CEP131: variants seen among roughly 807,000 people sequenced by gnomAD.
The protein encoded by CEP131 is centrosomal protein of 131 kDa.
CEP131 carries 99 observed loss-of-function variants against 136.8 expected under a neutral mutation model. That is an observed-to-expected ratio of 0.72 (90% CI 0.62 to 0.86). CEP131 has a LOEUF of 0.86. Ranked by LOEUF, CEP131 falls within the 40% of genes least tolerant of loss-of-function variation. The pLI is 0.00. For missense variants in CEP131, 1,459 were observed against 1,463.0 expected, an observed-to-expected ratio of 1.00 and a Z score of 0.04; for synonymous variants, 646 against 612.7, an observed-to-expected ratio of 1.05 and a Z score of -0.80.
At chr17:81,217,483 C>T (rs2062273641) in intron 2 of CEP131, among the ~76,000 whole-genome samples, 1 of 152,026 alleles carries the variant, frequency 6.6e-6, no homozygotes, top group Non-Finnish European at 1.5e-5. Context: ...AACAAATGCT[C>T]TCCAGGAATC....
intron 2 of CEP131, among the ~76,000 whole-genome samples, chr17:81,214,783 T>C (rs547801320): frequency 9.4e-4 from 143 of 151,428 alleles, no homozygotes; most frequent in African/African-American, 3.3e-3. Flanking sequence ...AAAAAAAAAA[T>C]TTTTTTTGAG....
At chr17:81,217,368 G>A (rs1362341448) in intron 2 of CEP131, among the ~76,000 whole-genome samples, 4 of 152,060 alleles carry the variant, frequency 2.6e-5, no homozygotes, top group Admixed American at 6.5e-5. Context: ...AATGGCCACC[G>A]AGAAGGTCTC....
At chr17:81,207,100 C>T (rs776140953) in intron 4 of CEP131, 25 bp downstream of exon 4, 20 of 1,597,028 alleles carry the variant, frequency 1.3e-5, no homozygotes, top group South Asian at 6.7e-5. Context: ...GAGACCAGGA[C>T]GTGGGGCCGC....
chr17:81,207,377 C>T, intron 3 of CEP131, 138 bp from the exon 4 acceptor site: 1 of 727,256 alleles, frequency 1.4e-6, no homozygotes, highest in Non-Finnish European at 2.3e-6. Flanking sequence ...GCCCAAAGCC[C>T]CCATCTGACC....
chr17:81,205,974 G>A (rs1000714731), intron 5 of CEP131, among the ~76,000 whole-genome samples: 1 of 152,190 alleles, frequency 6.6e-6, no homozygotes, highest in Non-Finnish European at 1.5e-5. Context: ...GGGAGGCCAA[G>A]GCGGGTGGAT....
chr17:81,199,539 T>C lies in CEP131; in HGVS notation c.1034A>G (p.Gln345Arg). The C allele has an allele frequency of 6.2e-7, 1 of 1,606,424 alleles. No individual in the cohort carries two copies. Among genetic ancestry groups the C allele is most frequent in the Non-Finnish European group, 8.5e-7 (1 of 1,176,974 alleles). ...ARRAAIQELQ[Q>R]KRALRAQKAS... ...CTTCTGGGCTCTCAGGGCTCGTTTCTGTTGCAGCTCCTGCAGTGGGAGCAT... is the reference window on the plus strand; with the variant it reads ...CTTCTGGGCTCTCAGGGCTCGTTTCCGTTGCAGCTCCTGCAGTGGGAGCAT... The change falls in exon 10 of 26, where the codon CAG (glutamine) becomes CGG (arginine). Residue 345 changes from glutamine to arginine, a missense_variant. Physicochemically the swap from Gln to Arg is conservative, Grantham distance 43. Around this residue, in one of 3 missense-constraint regions of CEP131, gnomAD observed 246 missense variants for 318.9 expected, o/e 0.77. Transcript: ENST00000450824.
chr17:81,194,124 A>G lies in CEP131; in HGVS notation c.2123T>C (p.Leu708Pro), dbSNP rs370144461. The G allele has an allele frequency of 5.2e-6, 8 of 1,526,136 alleles. No individual in the cohort carries two copies. Among genetic ancestry groups the G allele is most frequent in the Non-Finnish European group, 7.0e-6 (8 of 1,138,644 alleles). The allele number at this position is 1,526,136 out of a possible 1,614,324, so 94.5% of individuals were successfully genotyped here. ...KKIKEVTVRGLEPEIQKLIAR... is the reference protein window; with the variant it reads ...KKIKEVTVRGPEPEIQKLIAR... ...AATCAGCTTCTGGATCTCGGGCTCC[A>G]GACCTGGGGGCGGGGCACCAGCTAG... Residue 708 changes from leucine (L) to proline (P), a missense_variant, in exon 18 of 26, where the codon CTG (leucine) becomes CCG (proline). Leu to Pro is a moderately conservative substitution (Grantham distance 98, BLOSUM62 -3). This residue lies in a region of CEP131 where 1,026 missense variants were observed against 964.2 expected (regional missense o/e 1.06). Transcript: ENST00000450824.
chr17:81,203,690 C>T lies in CEP131; in HGVS notation c.516-83G>A, dbSNP rs1459700953. ...CTCAGAGCTACACTCGCAGCACGGGCTGGGAGGGAACAAAGGCCTTCAGTG... is the reference window on the plus strand; with the variant it reads ...CTCAGAGCTACACTCGCAGCACGGGTTGGGAGGGAACAAAGGCCTTCAGTG... On this transcript the variant is annotated intron_variant, in intron 5 of 25. Coordinates refer to ENST00000450824, the MANE Select transcript of CEP131 (RefSeq NM_014984.4). The surrounding 1 kb of genome is among the most constrained non-coding windows in gnomAD (Gnocchi z 4.6). 2 of 1,130,750 alleles carry T rather than the reference C, an allele frequency of 1.8e-6. No individual in the cohort carries two copies. The highest frequency in any genetic ancestry group is 2.1e-5 in the Admixed American group (1 of 47,412). The allele number at this position is 1,130,750 out of a possible 1,614,324, so 70.0% of individuals were successfully genotyped here. A position where few individuals can be genotyped will look rare whatever the true frequency, so the allele number is the denominator to read the frequency against.
In CEP131 at chr17:81,189,966, T is replaced by C; in HGVS notation, c.3117A>G (p.Thr1039=). ...CGGCCTCCTCCTTCCTCGCGAGGGC[T>C]GTCTTCACCCTGTGGGTAGTACATG... The part of the protein sequence containing the change: ...ELEEVHRRVK[T]ALARKEEAVS... The change falls in exon 25 of 26, where the codon ACA becomes ACG. Residue 1039 remains threonine, a synonymous_variant. Coordinates refer to ENST00000450824, the MANE Select transcript of CEP131 (RefSeq NM_014984.4). 1 of 1,609,992 alleles carries C rather than the reference T, an allele frequency of 6.2e-7. No homozygotes were observed. Among genetic ancestry groups the C allele is most frequent in the Non-Finnish European group, 8.5e-7 (1 of 1,177,608 alleles).
intron 3 of CEP131, among the ~76,000 whole-genome samples, chr17:81,207,659 G>A (rs912990373): frequency 1.3e-5 from 2 of 151,926 alleles, no homozygotes; most frequent in African/African-American, 2.4e-5. Context: ...TGCCCACCGA[G>A]GGCCTTAAAT....
chr17:81,197,682 G>T, intron 13 of CEP131, 30 bp downstream of exon 13: 1 of 1,588,466 alleles, frequency 6.3e-7, no homozygotes, highest in Non-Finnish European at 8.6e-7. Flanking sequence ...CCTCCCACTG[G>T]GGGCCGGGTG....
Position 81,203,256 on chromosome 17 carries a change from G to C in CEP131, c.629+238C>G, listed in dbSNP as rs369863257. Among the ~76,000 whole-genome samples, 1 of 152,200 alleles carries C rather than the reference G, an allele frequency of 6.6e-6. No homozygotes were observed. The highest frequency in any genetic ancestry group is 1.5e-5 in the Non-Finnish European group (1 of 68,028). On this transcript the variant is annotated intron_variant, in intron 6 of 25. Transcript: ENST00000450824. This position sits in a 1 kb window ranked among gnomAD's most constrained non-coding sequence, Gnocchi z 4.6. ...AGCTGCCGACCCAAGAACAGAAGAGGGCGGCGGACGTGGATGGGGAGCCCG... is the reference window on the plus strand; with the variant it reads ...AGCTGCCGACCCAAGAACAGAAGAGCGCGGCGGACGTGGATGGGGAGCCCG...
Position 81,197,713 on chromosome 17 carries a change from TC to T in CEP131, c.1645del (p.Glu549ArgfsTer18). 1 of 1,609,002 alleles carries T rather than the reference TC, an allele frequency of 6.2e-7. No individual in the cohort carries two copies. The highest frequency in any genetic ancestry group is 8.5e-7 in the Non-Finnish European group (1 of 1,177,582). On this transcript the variant is annotated frameshift_variant and splice_region_variant, in exon 13 of 26. Coordinates refer to ENST00000450824, the MANE Select transcript of CEP131 (RefSeq NM_014984.4). LOFTEE classifies it high-confidence loss of function. The stretch of plus-strand genomic sequence containing the variant: ...GGGTGCGGGCTGGTGAGGGGCCACC[TC>T]CTGCTGGGAGTCCAGCTGGTCCTGC... ...SGQDQLDSQQ[E>X]GWVPEAGPGP... is the part of the protein sequence containing the mutation.
intron 1 of CEP131, among the ~76,000 whole-genome samples, chr17:81,220,409 C>T (rs1164873352): frequency 6.6e-6 from 1 of 152,234 alleles, no homozygotes; most frequent in Non-Finnish European, 1.5e-5. Context: ...CAGGTTCTGC[C>T]ATCTACCCCA....
At position 81,215,731 on chromosome 17, in the gene CEP131, T is replaced by C. The variant is rs967298529; in HGVS notation, c.177+4149A>G. Among the ~76,000 whole-genome samples, 4 of 151,840 alleles carry C rather than the reference T, an allele frequency of 2.6e-5. No homozygotes were observed. The highest frequency in any genetic ancestry group is 4.4e-5 in the Non-Finnish European group (3 of 67,982). On this transcript the variant is annotated intron_variant, in intron 2 of 25. Coordinates refer to ENST00000450824, the MANE Select transcript of CEP131 (RefSeq NM_014984.4). The surrounding 1 kb of genome is among the most constrained non-coding windows in gnomAD (Gnocchi z 4.1). ...CTGGCCCCCCTTTCAAAATTTTAAA[T>C]GGACTTATGCTCTGACCCAGTAGTT...
At chr17:81,192,904 C>T in intron 18 of CEP131, 61 bp from the exon 19 acceptor site, 1 of 1,553,568 alleles carries the variant, frequency 6.4e-7, no homozygotes, top group Non-Finnish European at 8.6e-7. Context: ...GACCCACCCA[C>T]CGCAGGGGCA....
At chr17:81,221,522 C>T (rs1028018208) in intron 1 of CEP131, among the ~76,000 whole-genome samples, 38 of 152,214 alleles carry the variant, frequency 2.5e-4, no homozygotes, top group African/African-American at 9.2e-4. Flanking sequence ...GCCAGCTCCC[C>T]TGCTGTGCCC....
At chr17:81,202,512 G>A in intron 6 of CEP131, 114 bp from the exon 7 acceptor site, 2 of 1,274,880 alleles carry the variant, frequency 1.6e-6, no homozygotes, top group Non-Finnish European at 2.1e-6. Context: ...AGTGGTGCTG[G>A]CAGGCTGGCA....
chr17:81,197,720 G>A lies in CEP131; in HGVS notation c.1639C>T (p.Gln547Ter). 6.2e-7 allele frequency: 1 copy of A among 1,610,456 alleles called. No homozygotes were observed. The highest frequency in any genetic ancestry group is 8.5e-7 in the Non-Finnish European group (1 of 1,178,610). ...EKSGQDQLDSQQEGWVPEAGP... is the reference protein window; with the variant it reads ...EKSGQDQLDS ...GGCTGGTGAGGGGCCACCTCCTGCT[G>A]GGAGTCCAGCTGGTCCTGCCCAGAC... Residue 547 changes from glutamine (Q) to a stop codon, truncating the protein, a stop_gained, in exon 13 of 26, where the codon CAG becomes TAG. Transcript: ENST00000450824. LOFTEE classifies it high-confidence loss of function.
Sources: allele counts gnomAD v4.1 joint callset (sites outside exome capture counted in the v4.1 genomes callset), GRCh38; gene constraint gnomAD v4.1.1; regional missense constraint gnomAD v4.1.1; non-coding constraint Gnocchi (gnomAD v3.1); transcripts MANE v1.5; gene names NCBI Gene and HGNC (gene_info 2026-07-23, HGNC 2026-07-21).